STK39: variants seen among roughly 807,000 people sequenced by gnomAD.
STK39 encodes STE20/SPS1-related proline-alanine-rich protein kinase.
STK39 carries 20 observed loss-of-function variants against 77.8 expected under a neutral mutation model. The ratio of observed to expected loss-of-function variants is 0.26; its 90% confidence interval spans 0.18 to 0.37. STK39 has a LOEUF of 0.37. Among genes scored for constraint, STK39 ranks in the 10% least tolerant of loss-of-function variants. The pLI is 1.00. For synonymous variants in STK39, 246 were observed against 234.1 expected (o/e 1.05, Z -0.47); for missense variants, 479 against 656.5 (o/e 0.73, Z 2.95).
chr2:168,031,250 C>T (rs1011840565), intron 14 of STK39, among the ~76,000 whole-genome samples: 3 of 152,192 alleles, frequency 2.0e-5, no homozygotes, highest in African/African-American at 7.2e-5. Flanking sequence ...AAAGAGACGA[C>T]AAATACCTGA....
chr2:168,158,139 T>C (rs578122648), intron 5 of STK39, among the ~76,000 whole-genome samples: 29 of 152,202 alleles, frequency 1.9e-4, no homozygotes, highest in African/African-American at 6.3e-4. Flanking sequence ...GACTTTCGAG[T>C]AGCCACTCCC....
intron 10 of STK39, among the ~76,000 whole-genome samples, chr2:168,105,925 T>A (rs1686958981): frequency 6.6e-6 from 1 of 152,224 alleles, no homozygotes; most frequent in African/African-American, 2.4e-5. Context: ...TACCTTGCAG[T>A]CCTAGTGTAC....
intron 10 of STK39, among the ~76,000 whole-genome samples, chr2:168,123,629 A>G (rs1687464272): frequency 6.6e-6 from 1 of 152,096 alleles, no homozygotes; most frequent in Admixed American, 6.6e-5. Context: ...CAGCACTTTT[A>G]GAGGCCCAGG....
Position 167,991,299 on chromosome 2 carries a change from T to C in STK39, c.1498+21335A>G, listed in dbSNP as rs114245135. Among the ~76,000 whole-genome samples, 1,448 of 150,954 alleles carry C rather than the reference T, an allele frequency of 9.6e-3. 31 individuals are homozygous for C. Among genetic ancestry groups the C allele is most frequent in the African/African-American group, 0.033 (1,376 of 41,292 alleles). ...AGAAGAGAACATTAAGTTGTATGCC[T>C]GTGATTGTCATTAACACTGGAATAC... On this transcript the variant is annotated intron_variant, in intron 16 of 17. Coordinates refer to ENST00000355999, the MANE Select transcript of STK39 (RefSeq NM_013233.3).
chr2:168,243,746 G>T (rs924902239), intron 1 of STK39, among the ~76,000 whole-genome samples: 5 of 152,204 alleles, frequency 3.3e-5, no homozygotes. Flanking sequence ...ATTCCATTAC[G>T]GATGGCCAAG....
chr2:168,053,192 A>G (rs540085203), intron 14 of STK39, among the ~76,000 whole-genome samples: 4 of 152,352 alleles, frequency 2.6e-5, no homozygotes, highest in South Asian at 2.1e-4. Context: ...TCAATATCAA[A>G]TAACACTTTT....
At chr2:168,085,847 G>A (rs1487931722) in intron 10 of STK39, among the ~76,000 whole-genome samples, 2 of 152,200 alleles carry the variant, frequency 1.3e-5, no homozygotes, top group Non-Finnish European at 2.9e-5. Flanking sequence ...AGGCAGAAGT[G>A]AGGGAAGGTC....
chr2:168,024,944 T>A (rs1201149621), intron 14 of STK39, among the ~76,000 whole-genome samples: 1 of 152,132 alleles, frequency 6.6e-6, no homozygotes, highest in Non-Finnish European at 1.5e-5. Flanking sequence ...CCAGTGCACA[T>A]CCCTTACCCG....
At chr2:168,132,981 T>C (rs1253016496) in intron 8 of STK39, among the ~76,000 whole-genome samples, 3 of 152,174 alleles carry the variant, frequency 2.0e-5, no homozygotes, top group Non-Finnish European at 4.4e-5. Context: ...TATGCATCTG[T>C]TCAATACAGC....
intron 15 of STK39, among the ~76,000 whole-genome samples, chr2:168,013,793 GGTGTGTGTGTGTGTGTGTGTGTGTGT>G (rs4000936): frequency 2.7e-5 from 4 of 147,664 alleles, no homozygotes; most frequent in Non-Finnish European, 3.0e-5. Context: ...TAAGTGGGCT[GGTGTGTGTGTGTGTGTGTGTGTGTGT>G]GTGTGTGTGT....
intron 1 of STK39, among the ~76,000 whole-genome samples, chr2:168,228,550 G>A (rs1690365747): frequency 6.6e-6 from 1 of 152,128 alleles, no homozygotes; most frequent in South Asian, 2.1e-4. Context: ...CAGCACTTTG[G>A]GAGGCTGAGG....
At chr2:168,030,783 T>A (rs1414619102) in intron 14 of STK39, among the ~76,000 whole-genome samples, 1 of 152,250 alleles carries the variant, frequency 6.6e-6, no homozygotes, top group African/African-American at 2.4e-5. Flanking sequence ...AGAGCCACTA[T>A]AAATCCTCAA....
intron 10 of STK39, among the ~76,000 whole-genome samples, chr2:168,082,786 T>C (rs957928186): frequency 3.3e-5 from 5 of 152,246 alleles, no homozygotes; most frequent in African/African-American, 9.6e-5. Flanking sequence ...AAGTGTTCTG[T>C]TGGATATAAA....
chr2:168,222,638 T>C (rs902101007), intron 1 of STK39, among the ~76,000 whole-genome samples: 5 of 152,128 alleles, frequency 3.3e-5, no homozygotes, highest in East Asian at 1.9e-4. Context: ...AGAGGATAAA[T>C]AGGTAAAAAG....
At chr2:168,134,656 C>T (rs1687786789) in intron 8 of STK39, among the ~76,000 whole-genome samples, 1 of 152,110 alleles carries the variant, frequency 6.6e-6, no homozygotes, top group African/African-American at 2.4e-5. Flanking sequence ...TACGTCAATG[C>T]AGAACACAGA....
chr2:167,967,244 C>G (rs1692182290), intron 16 of STK39, among the ~76,000 whole-genome samples: 1 of 152,192 alleles, frequency 6.6e-6, no homozygotes, highest in African/African-American at 2.4e-5. Flanking sequence ...TTGGTTTCTG[C>G]AGCAGACATT....
chr2:168,198,942 T>C (rs1689542772), intron 1 of STK39, among the ~76,000 whole-genome samples: 1 of 152,246 alleles, frequency 6.6e-6, no homozygotes, highest in Non-Finnish European at 1.5e-5. Flanking sequence ...GTGTCTTTCA[T>C]TTAAGGCTTG....
intron 2 of STK39, among the ~76,000 whole-genome samples, chr2:168,175,686 G>C (rs966630622): frequency 6.6e-6 from 1 of 152,072 alleles, no homozygotes; most frequent in African/African-American, 2.4e-5. Context: ...GAATGTTTTT[G>C]TGCTTTCAAA....
At chr2:168,222,014 T>A (rs999884934) in intron 1 of STK39, among the ~76,000 whole-genome samples, 3 of 152,162 alleles carry the variant, frequency 2.0e-5, no homozygotes, top group African/African-American at 7.2e-5. Flanking sequence ...CTAACCCACA[T>A]GGCACCTTGA....
Sources: allele counts gnomAD v4.1 joint callset (sites outside exome capture counted in the v4.1 genomes callset), GRCh38; gene constraint gnomAD v4.1.1; transcripts MANE v1.5; gene names NCBI Gene and HGNC (gene_info 2026-07-23, HGNC 2026-07-21).